The following EXOC6B variants were observed in gnomAD, a reference collection of about 807,000 sequenced individuals.
The protein encoded by EXOC6B is exocyst complex component 6B.
Under a neutral mutation model 113.5 loss-of-function variants are expected in EXOC6B, and 54 were observed. That is an observed-to-expected ratio of 0.48 (90% CI 0.38 to 0.60). The LOEUF (loss-of-function observed/expected upper bound fraction) is 0.60, where lower values mean the gene tolerates loss of function less well. EXOC6B is among the 20% of genes least tolerant of loss of function. The pLI is 0.00. For missense variants in EXOC6B, 797 were observed against 977.5 expected, an observed-to-expected ratio of 0.82 and a Z score of 2.46; for synonymous variants, 357 against 339.0, an observed-to-expected ratio of 1.05 and a Z score of -0.58.
At chr2:72,467,223 G>T (rs1419100510) in intron 17 of EXOC6B, among the ~76,000 whole-genome samples, 5 of 152,072 alleles carry the variant, frequency 3.3e-5, no homozygotes, top group Non-Finnish European at 7.4e-5. Context: ...TTTTCTTTAT[G>T]CATTCACCAG....
chr2:72,559,542 C>T lies in EXOC6B; in HGVS notation c.847-21G>A, dbSNP rs750057601. ...GGTACCTGCAAACACAAGATTATAA[C>T]AAAAAAATTCAAACAAAGCTATTAA... is the stretch of plus-strand genomic sequence containing the variant. On this transcript the variant is annotated intron_variant, in intron 7 of 21. Transcript: ENST00000272427. The T allele has an allele frequency of 1.4e-5, 23 of 1,592,580 alleles. No homozygotes were observed. In the Admixed American group the frequency reaches 3.7e-4, roughly 26 times the overall value.
intron 6 of EXOC6B, among the ~76,000 whole-genome samples, chr2:72,641,062 T>C (rs1673187195): frequency 6.6e-6 from 1 of 152,204 alleles, no homozygotes; most frequent in Non-Finnish European, 1.5e-5. Context: ...TGACAGATTA[T>C]CAAGACAGAA....
At chr2:72,752,631 G>T (rs931500357) in intron 1 of EXOC6B, among the ~76,000 whole-genome samples, 1 of 145,504 alleles carries the variant, frequency 6.9e-6, no homozygotes, top group Non-Finnish European at 1.5e-5. Context: ...GATCTTAAAA[G>T]AGCACACTAT....
intron 6 of EXOC6B, among the ~76,000 whole-genome samples, chr2:72,640,520 G>A (rs1226577802): frequency 1.3e-5 from 2 of 152,102 alleles, no homozygotes; most frequent in African/African-American, 4.8e-5. Flanking sequence ...GAGAACCTCA[G>A]TAAGACACTT....
At chr2:72,805,067 G>A (rs1267829454) in intron 1 of EXOC6B, among the ~76,000 whole-genome samples, 5 of 152,174 alleles carry the variant, frequency 3.3e-5, no homozygotes, top group Non-Finnish European at 4.4e-5. Flanking sequence ...AACATCTTGA[G>A]AAATTTCTCT....
chr2:72,317,850 G>A (rs1250174199), intron 20 of EXOC6B, among the ~76,000 whole-genome samples: 1 of 152,092 alleles, frequency 6.6e-6, no homozygotes, highest in African/African-American at 2.4e-5. Context: ...TTATGAGAGG[G>A]CCATAATATT....
At chr2:72,421,724 G>A (rs1303418780) in intron 18 of EXOC6B, among the ~76,000 whole-genome samples, 2 of 152,234 alleles carry the variant, frequency 1.3e-5, no homozygotes, top group East Asian at 3.8e-4. Flanking sequence ...TCCCACTTTG[G>A]CGGCACTTGA....
intron 8 of EXOC6B, among the ~76,000 whole-genome samples, chr2:72,520,019 C>T (rs1454364386): frequency 6.6e-6 from 1 of 152,188 alleles, no homozygotes; most frequent in Non-Finnish European, 1.5e-5. Flanking sequence ...TTTTCTACTA[C>T]TCAGCTTAAA....
intron 1 of EXOC6B, among the ~76,000 whole-genome samples, chr2:72,803,748 ATACTTGCCTGCTGG>A (rs1685427470): frequency 6.6e-6 from 1 of 152,200 alleles, no homozygotes; most frequent in Non-Finnish European, 1.5e-5. Flanking sequence ...AGTAGGGTCT[ATACTTGCCTGCTGG>A]TACCTTTCCA....
chr2:72,243,493 A>T (rs930142407), intron 20 of EXOC6B, among the ~76,000 whole-genome samples: 1 of 152,172 alleles, frequency 6.6e-6, no homozygotes, highest in Non-Finnish European at 1.5e-5. Context: ...TATCGCAAGG[A>T]CAGAAAACCA....
rs764610426 is a variant in EXOC6B at position 72,495,549 on chromosome 2, C to T, written c.1444-10G>A. On this transcript the variant is annotated splice_polypyrimidine_tract_variant and intron_variant, in intron 14 of 21. Transcript: ENST00000272427. ...TTTTTGGAAATGGTTGCTGTAAATG[C>T]AAGAAGTAATGAAATCAAGTCACAA... The T allele has an allele frequency of 2.1e-6, 3 of 1,454,424 alleles. No individual in the cohort carries two copies. The highest frequency in any genetic ancestry group is 2.8e-5 in the African/African-American group (2 of 71,544). 90.1% of individuals were successfully genotyped at this position (1,454,424 alleles called of 1,614,324 possible).
At chr2:72,185,354 C>T (rs1012622423) in intron 20 of EXOC6B, among the ~76,000 whole-genome samples, 7 of 152,268 alleles carry the variant, frequency 4.6e-5, no homozygotes, top group Non-Finnish European at 7.3e-5. Context: ...CTTCACTGTG[C>T]AGCTGGGCAA....
intron 9 of EXOC6B, 31 bp from the exon 10 acceptor site, chr2:72,514,711 G>T: frequency 7.0e-7 from 1 of 1,437,336 alleles, no homozygotes; most frequent in Non-Finnish European, 9.4e-7. Flanking sequence ...AAAAGTTATT[G>T]TTTCTGTTTT....
Position 72,184,164 on chromosome 2 carries a change from C to T in EXOC6B, c.2220G>A (p.Trp740Ter). ...LRQLLDLFIQ[W>*]DWSTYLADYG... ...AGTCAGCAAGGTAGGTTGACCAATC[C>T]CACTGGATGAAAAGATCCAAAAGCT... Residue 740 changes from tryptophan to a stop codon, truncating the protein, a stop_gained, in exon 21 of 22, where the codon TGG (tryptophan) becomes TGA (stop). Transcript: ENST00000272427. LOFTEE classifies it high-confidence loss of function. 1 of 1,555,828 alleles carries T rather than the reference C, an allele frequency of 6.4e-7. No homozygotes were observed. Among genetic ancestry groups the T allele is most frequent in the Non-Finnish European group, 8.7e-7 (1 of 1,148,644 alleles).
intron 1 of EXOC6B, among the ~76,000 whole-genome samples, chr2:72,753,901 T>C (rs2104867240): frequency 6.6e-6 from 1 of 152,224 alleles, no homozygotes; most frequent in Admixed American, 6.6e-5. Context: ...ACAACTACTA[T>C]AACCTGATAC....
chr2:72,361,538 A>G (rs1326692465), intron 19 of EXOC6B, among the ~76,000 whole-genome samples: 2 of 152,208 alleles, frequency 1.3e-5, no homozygotes, highest in African/African-American at 2.4e-5. Flanking sequence ...AATTAATTAT[A>G]CGGAACTGGA....
intron 20 of EXOC6B, among the ~76,000 whole-genome samples, chr2:72,234,036 C>T (rs954608627): frequency 2.6e-5 from 4 of 151,810 alleles, no homozygotes; most frequent in African/African-American, 9.7e-5. Context: ...GTGTCCAGCC[C>T]AGCAGTCCTG....
chr2:72,650,029 G>A (rs985093170), intron 6 of EXOC6B, among the ~76,000 whole-genome samples: 3 of 152,318 alleles, frequency 2.0e-5, no homozygotes, highest in Non-Finnish European at 4.4e-5. Flanking sequence ...GGAACTGGGC[G>A]CGGGGCACGA....
chr2:72,249,144 C>A lies in EXOC6B; in HGVS notation c.2197-64957G>T, dbSNP rs188683286. On this transcript the variant is annotated intron_variant, in intron 20 of 21. Transcript: ENST00000272427. ...AGCCAGGCATGGTGTAATATGCCTG[C>A]AGTCCCAGCTACTCAGGAAGCTGAG... 8.1e-4 allele frequency among the ~76,000 whole-genome samples: 124 copies of A among 152,272 alleles called. 2 individuals are homozygous for A. Among genetic ancestry groups the A allele is most frequent in the African/African-American group, 2.7e-3 (111 of 41,558 alleles).
Sources: allele counts gnomAD v4.1 joint callset (sites outside exome capture counted in the v4.1 genomes callset), GRCh38; gene constraint gnomAD v4.1.1; transcripts MANE v1.5; gene names NCBI Gene and HGNC (gene_info 2026-07-23, HGNC 2026-07-21).